The following PANK3 variants were observed in gnomAD, a reference collection of about 807,000 sequenced individuals.
PANK3 encodes hPanK3.
A neutral mutation model predicts 39.4 loss-of-function variants in PANK3; 20 were observed. The ratio of observed to expected loss-of-function variants is 0.51; its 90% CI spans 0.36 to 0.74. The LOEUF is 0.74. PANK3 is among the 30% of genes least tolerant of loss of function. The pLI is 0.00. For synonymous variants in PANK3, 140 were observed against 157.3 expected (o/e 0.89, Z 0.82); for missense variants, 265 against 437.0 (o/e 0.61, Z 3.51).
In PANK3 at chr5:168,569,024, A is replaced by ATATAT. The variant is rs1313449980; in HGVS notation, c.29-27_29-26insATATA. ...CTATGGGAGGAAAAAAAAAAAAAAA[A>ATATAT]AAAAAAATATATATATATATATATA... On this transcript the variant is annotated intron_variant, in intron 1 of 6. Transcript: ENST00000239231. The ATATAT allele has an allele frequency of 6.7e-4, 223 of 334,340 alleles. No homozygotes were observed. The African/African-American group carries it at 7.5e-3, about 11-fold the overall frequency. 20.7% of individuals were successfully genotyped at this position (334,340 alleles called of 1,614,324 possible).
In PANK3 at chr5:168,551,399, T is replaced by C. The variant is rs1759270335; in HGVS notation, c.*6172A>G. 6.6e-6 allele frequency: 1 copy of C among 152,222 alleles called. No homozygotes were observed. The highest frequency in any genetic ancestry group is 2.4e-5 in the African/African-American group (1 of 41,464). 9.4% of individuals were successfully genotyped at this position (152,222 alleles called of 1,614,324 possible). On this transcript the variant is annotated 3_prime_UTR_variant, in exon 7 of 7. Transcript: ENST00000239231. ...CAGTTAAGTTAAATTCAAAATAATG[T>C]ACACTCATTTTCATTATCCTCTATC...
chr5:168,569,802 A>G (rs1759597191), intron 1 of PANK3, among the ~76,000 whole-genome samples: 1 of 152,142 alleles, frequency 6.6e-6, no homozygotes, highest in Admixed American at 6.5e-5. Flanking sequence ...TGAAATCCCA[A>G]TACTTTGGGA....
At position 168,574,660 on chromosome 5, in the gene PANK3, G is replaced by A. The variant is rs1230567241; in HGVS notation, c.28+4596C>T. On this transcript the variant is annotated intron_variant, in intron 1 of 6. Coordinates refer to ENST00000239231, the MANE Select transcript of PANK3 (RefSeq NM_024594.4). Reference sequence around the variant, plus strand: ...GTGGATCACCTGAGGTCGGGAGTTCGGACAAGCCTGGGCAACATGGTGAAA... The same window carrying A: ...GTGGATCACCTGAGGTCGGGAGTTCAGACAAGCCTGGGCAACATGGTGAAA... Among the ~76,000 whole-genome samples the A allele has an allele frequency of 3.3e-5, 5 of 152,162 alleles. No individual in the cohort carries two copies. In the Middle Eastern group the frequency reaches 0.014, roughly 414 times the overall value.
intron 2 of PANK3, 118 bp from the exon 3 acceptor site, chr5:168,566,384 T>C: frequency 8.7e-7 from 1 of 1,145,906 alleles, no homozygotes. Context: ...ACATTTTCAT[T>C]TTGTTTCATG....
In PANK3 at chr5:168,557,421, A is replaced by C; in HGVS notation, c.*150T>G. The C allele has an allele frequency of 1.5e-6, 1 of 669,310 alleles. No homozygotes were observed. 41.5% of individuals were successfully genotyped at this position (669,310 alleles called of 1,614,324 possible). A position where few individuals can be genotyped will look rare whatever the true frequency, so the allele number is the denominator to read the frequency against. On this transcript the variant is annotated 3_prime_UTR_variant, in exon 7 of 7. Coordinates refer to ENST00000239231, the MANE Select transcript of PANK3 (RefSeq NM_024594.4). Reference sequence around the variant, plus strand: ...ATTTCAATGAGAAATACTTCACGTTACCAAGTTCTCTCCTTTAATATGGCA... The same window carrying C: ...ATTTCAATGAGAAATACTTCACGTTCCCAAGTTCTCTCCTTTAATATGGCA...
intron 4 of PANK3, 22 bp from the exon 5 acceptor site, chr5:168,561,538 A>C (rs747544532): frequency 9.0e-6 from 14 of 1,547,092 alleles, no homozygotes; most frequent in Non-Finnish European, 2.6e-6. Context: ...TGAAAAATAA[A>C]GTCAAATCTG....
intron 1 of PANK3, among the ~76,000 whole-genome samples, chr5:168,574,573 G>A (rs565101762): frequency 4.2e-4 from 64 of 152,214 alleles, no homozygotes; most frequent in African/African-American, 1.1e-3. Flanking sequence ...AAAAACACCC[G>A]TTTCCTGGCC....
chr5:168,579,364 C>A lies in PANK3; in HGVS notation c.-81G>T. ...GCGGCGACTCCGGAGGTGGCTGGGC[C>A]GCGCGGCGAGGCCCGGCCGGTTCCT... is the stretch of plus-strand genomic sequence containing the variant. On this transcript the variant is annotated 5_prime_UTR_variant, in exon 1 of 7. Transcript: ENST00000239231. 7.9e-7 allele frequency: 1 copy of A among 1,263,318 alleles called. No homozygotes were observed. Among genetic ancestry groups the A allele is most frequent in the Non-Finnish European group, 1.0e-6 (1 of 971,920 alleles). The allele number at this position is 1,263,318 out of a possible 1,614,324, so 78.3% of individuals were successfully genotyped here. A position where few individuals can be genotyped will look rare whatever the true frequency, so the allele number is the denominator to read the frequency against.
chr5:168,559,441 T>C (rs1018404833), intron 5 of PANK3, among the ~76,000 whole-genome samples: 1 of 152,140 alleles, frequency 6.6e-6, no homozygotes, highest in Non-Finnish European at 1.5e-5. Context: ...TTATGGACTG[T>C]AACACATGAT....
Position 168,558,384 on chromosome 5 carries a change from T to C in PANK3, c.1062+648A>G, listed in dbSNP as rs186144768. 2.9e-3 allele frequency among the ~76,000 whole-genome samples: 436 copies of C among 152,144 alleles called. 3 individuals carry two copies. The highest frequency in any genetic ancestry group is 9.8e-3 in the African/African-American group (408 of 41,496). On this transcript the variant is annotated intron_variant, in intron 6 of 6. Transcript: ENST00000239231. ...TTCACCGTTGTTAGCCAGGATGGTC[T>C]TGATCTCCTGACCTCGTGATCCGTC...
chr5:168,561,626 T>A, intron 4 of PANK3, 110 bp from the exon 5 acceptor site: 1 of 872,192 alleles, frequency 1.1e-6, no homozygotes, highest in Non-Finnish European at 1.6e-6. Context: ...GACCAAAAAG[T>A]AGAAACACAT....
intron 1 of PANK3, among the ~76,000 whole-genome samples, chr5:168,569,888 C>CA (rs1003524093): frequency 2.7e-4 from 41 of 151,994 alleles, no homozygotes; most frequent in African/African-American, 9.7e-4. Context: ...CCTGTCTCCG[C>CA]AAAAAATTTA....
At chr5:168,558,449 C>T (rs975137028) in intron 6 of PANK3, among the ~76,000 whole-genome samples, 2 of 152,086 alleles carry the variant, frequency 1.3e-5, no homozygotes, top group African/African-American at 4.8e-5. Flanking sequence ...CAGGCATGAG[C>T]CACCGCACCC....
chr5:168,573,764 G>A lies in PANK3; in HGVS notation c.29-4766C>T, dbSNP rs1010401438. On this transcript the variant is annotated intron_variant, in intron 1 of 6. Coordinates refer to ENST00000239231, the MANE Select transcript of PANK3 (RefSeq NM_024594.4). The stretch of plus-strand genomic sequence containing the variant: ...TTCCCACCTATGAGTGAGAATATGC[G>A]GTGTTTGGTTTTTTGTTCTTGCGAT... Among the ~76,000 whole-genome samples, 20 of 147,440 alleles carry A rather than the reference G, an allele frequency of 1.4e-4. No homozygotes were observed. In the East Asian group the frequency reaches 1.4e-3, roughly 10 times the overall value.
At chr5:168,571,981 G>C (rs1409626580) in intron 1 of PANK3, among the ~76,000 whole-genome samples, 1 of 152,150 alleles carries the variant, frequency 6.6e-6, no homozygotes, top group Non-Finnish European at 1.5e-5. Flanking sequence ...TGGGAAGCCA[G>C]GGGCAGCTTT....
At chr5:168,564,137 T>C (rs947563219) in intron 3 of PANK3, 72 bp from the exon 4 acceptor site, 35 of 1,285,070 alleles carry the variant, frequency 2.7e-5, no homozygotes, top group Non-Finnish European at 3.7e-5. Context: ...AAAGGGTGGA[T>C]CATTCATGTA....
intron 4 of PANK3, among the ~76,000 whole-genome samples, chr5:168,561,970 G>A (rs1023548475): frequency 1.3e-5 from 2 of 152,070 alleles, no homozygotes; most frequent in South Asian, 2.1e-4. Context: ...AATAAAATAC[G>A]AGTAATATAT....
At chr5:168,578,333 C>A (rs1759767486) in intron 1 of PANK3, among the ~76,000 whole-genome samples, 1 of 152,180 alleles carries the variant, frequency 6.6e-6, no homozygotes, top group African/African-American at 2.4e-5. Flanking sequence ...AAGGTGTCAG[C>A]GCCCTGTTTT....
In PANK3 at chr5:168,556,935, G is replaced by A. The variant is rs546540858; in HGVS notation, c.*636C>T. On this transcript the variant is annotated 3_prime_UTR_variant, in exon 7 of 7. Transcript: ENST00000239231. ...TACAGAAAGTGCAACATCACCAAAC[G>A]TGCATTTCCCAGGATTCATTTTAGA... The A allele has an allele frequency of 6.6e-5, 10 of 152,594 alleles. No individual in the cohort carries two copies. Among genetic ancestry groups the A allele is most frequent in the East Asian group, 1.9e-4 (1 of 5,182 alleles). 9.5% of individuals were successfully genotyped at this position (152,594 alleles called of 1,614,324 possible).
Sources: gnomAD v4.1 joint callset for allele counts (sites outside exome capture counted in the v4.1 genomes callset) on GRCh38, gnomAD v4.1.1 for gene constraint, MANE v1.5 for transcripts, NCBI Gene and HGNC (gene_info 2026-07-23, HGNC 2026-07-21) for gene names.